Variants in CNBD2 observed in about 807,000 individuals in gnomAD.
CNBD2 encodes cyclic nucleotide-binding domain-containing protein 2.
A neutral mutation model predicts 63.7 loss-of-function variants in CNBD2; 64 were observed. The ratio of observed to expected loss-of-function variants is 1.00; its 90% confidence interval spans 0.82 to 1.24. CNBD2 has a LOEUF of 1.24. CNBD2 is among the 50% of genes most tolerant of loss of function. The pLI is 0.00. For missense variants in CNBD2, 691 were observed against 713.5 expected, an observed-to-expected ratio of 0.97 and a Z score of 0.36; for synonymous variants, 229 against 255.4, an observed-to-expected ratio of 0.90 and a Z score of 0.99.
chr20:35,967,443 G>A (rs1172587544), upstream of CNBD2, among the ~76,000 whole-genome samples: 1 of 150,588 alleles, frequency 6.6e-6, no homozygotes, highest in African/African-American at 2.4e-5. Context: ...GTAGGGATGG[G>A]GTTTCACCAC....
chr20:36,003,781 C>G (rs190288491), intron 8 of CNBD2, among the ~76,000 whole-genome samples: 39 of 151,888 alleles, frequency 2.6e-4, no homozygotes, highest in African/African-American at 9.2e-4. Flanking sequence ...CTCAAGACCT[C>G]TTATGAACCA....
intron 11 of CNBD2, among the ~76,000 whole-genome samples, chr20:36,028,061 G>T (rs995318682): frequency 5.9e-5 from 9 of 152,088 alleles, no homozygotes; most frequent in African/African-American, 1.7e-4. Flanking sequence ...AAATACTGGC[G>T]GTTCCTTCTG....
rs936553663 is a variant in CNBD2, at chr20:35,968,719, G to A, written c.-44G>A. On this transcript the variant is annotated 5_prime_UTR_variant, in exon 1 of 12. Transcript: ENST00000373973. ...GGGAAAAATTTGTAGTCCTCCCCTT[G>A]AAAGGCAAAGGGGCTAGTTGTGCCA... 6.4e-7 allele frequency: 1 copy of A among 1,550,554 alleles called. No homozygotes were observed. Among genetic ancestry groups the A allele is most frequent in the Non-Finnish European group, 8.8e-7 (1 of 1,135,704 alleles).
chr20:36,028,753 G>A (rs1251379312), intron 11 of CNBD2, among the ~76,000 whole-genome samples: 1 of 149,076 alleles, frequency 6.7e-6, no homozygotes, highest in Admixed American at 6.7e-5. Flanking sequence ...TCAGGTCACT[G>A]CAATGTCCCC....
chr20:36,013,617 A>G (rs928015337), intron 10 of CNBD2, among the ~76,000 whole-genome samples: 2 of 152,216 alleles, frequency 1.3e-5, no homozygotes, highest in Admixed American at 6.5e-5. Flanking sequence ...GTGTCTGAGC[A>G]CTGTGCCCTA....
At chr20:35,970,106 A>G (rs951165988) in intron 1 of CNBD2, among the ~76,000 whole-genome samples, 1 of 152,378 alleles carries the variant, frequency 6.6e-6, no homozygotes, top group Non-Finnish European at 1.5e-5. Context: ...CCTGGGCAAC[A>G]AAGTGAAACC....
chr20:36,022,545 G>C (rs559275924), intron 10 of CNBD2, among the ~76,000 whole-genome samples: 1 of 151,938 alleles, frequency 6.6e-6, no homozygotes, highest in Non-Finnish European at 1.5e-5. Flanking sequence ...ATGTTGGCCA[G>C]GCTAGTCTCA....
intron 8 of CNBD2, among the ~76,000 whole-genome samples, chr20:36,005,992 A>G (rs1233155884): frequency 6.6e-6 from 1 of 151,754 alleles, no homozygotes; most frequent in African/African-American, 2.4e-5. Flanking sequence ...AACAAAAGAC[A>G]TTAATTTGAA....
intron 3 of CNBD2, among the ~76,000 whole-genome samples, chr20:35,979,954 G>A (rs2056573891): frequency 6.6e-6 from 1 of 152,196 alleles, no homozygotes; most frequent in Admixed American, 6.5e-5. Flanking sequence ...AGTGGTAGGT[G>A]AACGTGCTGG....
At chr20:35,957,002 G>T (rs752761051), downstream of CNBD2, among the ~76,000 whole-genome samples, 1 of 152,146 alleles carries the variant, frequency 6.6e-6, no homozygotes, top group Non-Finnish European at 1.5e-5. Flanking sequence ...AGAATTCCAT[G>T]TTTAAAATTT....
At chr20:35,956,672 G>A (rs1295275077), downstream of CNBD2, among the ~76,000 whole-genome samples, 1 of 152,190 alleles carries the variant, frequency 6.6e-6, no homozygotes, top group Non-Finnish European at 1.5e-5. Flanking sequence ...TGGGTTTGCT[G>A]CCCAGAGTGA....
At chr20:36,029,386 C>T (rs73289734) in intron 11 of CNBD2, among the ~76,000 whole-genome samples, 1 of 152,134 alleles carries the variant, frequency 6.6e-6, no homozygotes, top group East Asian at 1.9e-4. Flanking sequence ...GTTAATGGAA[C>T]TTTTTAAGTG....
Position 35,968,662 on chromosome 20 carries a change from A to C in CNBD2, c.-101A>C. 1.2e-6 allele frequency: 1 copy of C among 820,304 alleles called. No individual in the cohort carries two copies. Among genetic ancestry groups the C allele is most frequent in the South Asian group, 1.5e-5 (1 of 65,756 alleles). 50.8% of individuals were successfully genotyped at this position (820,304 alleles called of 1,614,324 possible). A position where few individuals can be genotyped will look rare whatever the true frequency, so the allele number is the denominator to read the frequency against. On this transcript the variant is annotated 5_prime_UTR_variant, in exon 1 of 12. Coordinates refer to ENST00000373973, the MANE Select transcript of CNBD2 (RefSeq NM_001365709.1). ...GAGCTCTTGCCTTGTTACTGAGGAA[A>C]TCTATTTGTTTCTAGTATTACTGGA... is the stretch of plus-strand genomic sequence containing the variant.
intron 10 of CNBD2, among the ~76,000 whole-genome samples, chr20:36,021,917 G>A (rs147151390): frequency 4.9e-4 from 72 of 145,546 alleles, no homozygotes; most frequent in African/African-American, 1.9e-3. Flanking sequence ...AAGTCTGTGA[G>A]GGATGGAGGA....
intron 8 of CNBD2, among the ~76,000 whole-genome samples, chr20:36,003,204 A>G (rs1385283161): frequency 1.3e-5 from 2 of 152,192 alleles, no homozygotes; most frequent in African/African-American, 4.8e-5. Context: ...TATAATTATA[A>G]TAGCTCTTCC....
intron 4 of CNBD2, among the ~76,000 whole-genome samples, chr20:35,983,607 T>C (rs905684688): frequency 2.6e-5 from 4 of 152,252 alleles, no homozygotes; most frequent in African/African-American, 9.6e-5. Context: ...ATTTGGATCC[T>C]GGGCTAACGC....
chr20:35,996,132 T>C (rs1463079957), intron 8 of CNBD2, among the ~76,000 whole-genome samples: 3 of 152,238 alleles, frequency 2.0e-5, no homozygotes, highest in African/African-American at 7.2e-5. Context: ...TCAAGTACCA[T>C]TCAAGTACTC....
rs563532449 is a variant in CNBD2, at chr20:35,976,697, G to A, written c.243+695G>A. Among the ~76,000 whole-genome samples the A allele has an allele frequency of 1.9e-4, 29 of 152,066 alleles. 1 individual carries two copies. The South Asian group carries it at 5.8e-3, about 31-fold the overall frequency. On this transcript the variant is annotated intron_variant, in intron 3 of 11. Transcript: ENST00000373973. ...TCAATCTCATCATTGTTATCTTCTTGGCTTCTCTCCATGATATCCTGGATA... is the reference window on the plus strand; with the variant it reads ...TCAATCTCATCATTGTTATCTTCTTAGCTTCTCTCCATGATATCCTGGATA...
chr20:36,002,491 A>T (rs1342628594), intron 8 of CNBD2, among the ~76,000 whole-genome samples: 1 of 152,140 alleles, frequency 6.6e-6, no homozygotes, highest in Admixed American at 6.5e-5. Flanking sequence ...GGGTTTCGCC[A>T]TGTTGGCCAG....
Sources: gnomAD v4.1 joint callset for allele counts (sites outside exome capture counted in the v4.1 genomes callset) on GRCh38, gnomAD v4.1.1 for gene constraint, MANE v1.5 for transcripts, NCBI Gene and HGNC (gene_info 2026-07-23, HGNC 2026-07-21) for gene names.